Variants in GRIN2B observed in about 807,000 individuals in gnomAD.
The protein encoded by GRIN2B is glutamate ionotropic receptor NMDA type subunit 2B.
GRIN2B carries 5 observed loss-of-function variants against 114.5 expected under a neutral mutation model. The observed-to-expected ratio is 0.04, with a 90% CI of 0.02 to 0.09. The LOEUF (loss-of-function observed/expected upper bound fraction) is 0.09, where lower values mean the gene tolerates loss of function less well. GRIN2B is among the 10% of genes least tolerant of loss of function. GRIN2B has a pLI of 1.00. For synonymous variants in GRIN2B, 787 were observed against 745.1 expected, an observed-to-expected ratio of 1.06 and a Z score of -0.92; for missense variants, 1,108 against 1,943.5, an observed-to-expected ratio of 0.57 and a Z score of 8.08.
Position 13,979,782 on chromosome 12 carries a change from A to G in GRIN2B, c.-19+146T>C, listed in dbSNP as rs1485063648. ...AAACATGGGAGATTTCCTTCTTTGT[A>G]ATAAGCCTTTTTTCCCAAAACAGCA... On this transcript the variant is annotated intron_variant, in intron 2 of 13. Coordinates refer to ENST00000609686, the MANE Select transcript of GRIN2B (RefSeq NM_000834.5). 2.0e-5 allele frequency: 3 copies of G among 152,172 alleles called. 1 individual carries two copies. The highest frequency in any genetic ancestry group is 7.2e-5 in the African/African-American group (3 of 41,442). 9.4% of individuals were successfully genotyped at this position (152,172 alleles called of 1,614,324 possible). A position where few individuals can be genotyped will look rare whatever the true frequency, so the allele number is the denominator to read the frequency against.
At chr12:13,699,406 TAAGAAATCTGCAA>T (rs1950290738) in intron 4 of GRIN2B, among the ~76,000 whole-genome samples, 1 of 152,074 alleles carries the variant, frequency 6.6e-6, no homozygotes, top group Non-Finnish European at 1.5e-5. Flanking sequence ...ACAAATAGTA[TAAGAAATCTGCAA>T]AAGAATCACA....
intron 3 of GRIN2B, among the ~76,000 whole-genome samples, chr12:13,829,876 CAA>C (rs955242742): frequency 4.6e-5 from 7 of 152,162 alleles, no homozygotes; most frequent in African/African-American, 1.7e-4. Flanking sequence ...GGACCTGCCT[CAA>C]AGAGTCTTCT....
Position 13,870,443 on chromosome 12 carries a change from G to A in GRIN2B, c.-18-4217C>T, listed in dbSNP as rs74069219. Among the ~76,000 whole-genome samples the A allele has an allele frequency of 9.5e-3, 1,439 of 152,204 alleles. 19 individuals are homozygous for A. The highest frequency in any genetic ancestry group is 0.033 in the African/African-American group (1,374 of 41,548). On this transcript the variant is annotated intron_variant, in intron 2 of 13. Coordinates refer to ENST00000609686, the MANE Select transcript of GRIN2B (RefSeq NM_000834.5). ...CCATAGCAAACAGAAGGCCACAGGA[G>A]CTTATCTTCATGCTGGTAACTGGTA... is the stretch of plus-strand genomic sequence containing the variant.
Position 13,547,981 on chromosome 12 carries a change from A to ATATATATATATATATATATTT in GRIN2B, c.*14801_*14802insAAATATATATATATATATATA. 1.5e-5 allele frequency: 1 copy of ATATATATATATATATATATTT among 68,576 alleles called. No homozygotes were observed. Among genetic ancestry groups the ATATATATATATATATATATTT allele is most frequent in the Non-Finnish European group, 2.9e-5 (1 of 34,412 alleles). 4.2% of individuals were successfully genotyped at this position (68,576 alleles called of 1,614,324 possible). ...TGTGTATATATATATATATATATATATTTTTTTTTTTTTTCTGAAAGCTAC... is the reference window on the plus strand; with the variant it reads ...TGTGTATATATATATATATATATATATATATATATATATATATATTTTTTTTTTTTTTTTTCTGAAAGCTAC... On this transcript the variant is annotated 3_prime_UTR_variant, in exon 14 of 14. Coordinates refer to ENST00000609686, the MANE Select transcript of GRIN2B (RefSeq NM_000834.5).
intron 4 of GRIN2B, among the ~76,000 whole-genome samples, chr12:13,710,866 GA>G (rs1161470718): frequency 3.3e-5 from 5 of 151,770 alleles, no homozygotes; most frequent in Non-Finnish European, 7.4e-5. Flanking sequence ...CACAGAATTG[GA>G]AAAAAACTAC....
chr12:13,963,536 G>A lies in GRIN2B; in HGVS notation c.-19+16392C>T, dbSNP rs1038639530. 3.9e-5 allele frequency among the ~76,000 whole-genome samples: 6 copies of A among 152,168 alleles called. No homozygotes were observed. The South Asian group carries it at 1.2e-3, about 32-fold the overall frequency. On this transcript the variant is annotated intron_variant, in intron 2 of 13. Transcript: ENST00000609686. ...TACTCACAGGATATGGACAAGAGAG[G>A]CAGAGAGCTCAGTTCCAGGCGCTTT...
intron 13 of GRIN2B, among the ~76,000 whole-genome samples, chr12:13,565,114 AG>A (rs1565455105): frequency 6.6e-6 from 1 of 152,262 alleles, no homozygotes; most frequent in Non-Finnish European, 1.5e-5. Context: ...AGTAAAGCAC[AG>A]GGGAGCTCAG....
chr12:13,731,962 T>C (rs1400446947), intron 4 of GRIN2B, among the ~76,000 whole-genome samples: 1 of 152,218 alleles, frequency 6.6e-6, no homozygotes, highest in Non-Finnish European at 1.5e-5. Flanking sequence ...GGGTTCTCCA[T>C]GACCTATTGG....
At chr12:13,674,567 T>C (rs911605214) in intron 5 of GRIN2B, among the ~76,000 whole-genome samples, 3 of 151,992 alleles carry the variant, frequency 2.0e-5, no homozygotes, top group African/African-American at 7.3e-5. Context: ...TGTGATGAGG[T>C]TGTGAATTTC....
chr12:13,879,037 G>T (rs1866031859), intron 2 of GRIN2B, among the ~76,000 whole-genome samples: 1 of 152,120 alleles, frequency 6.6e-6, no homozygotes, highest in South Asian at 2.1e-4. Flanking sequence ...TCTGATTCAT[G>T]AAAAAATTGA....
intron 5 of GRIN2B, among the ~76,000 whole-genome samples, chr12:13,616,874 CACTT>C (rs2136481930): frequency 6.6e-6 from 1 of 152,378 alleles, no homozygotes; most frequent in Admixed American, 6.5e-5. Flanking sequence ...ATTTATCACT[CACTT>C]ACCAAACATT....
intron 2 of GRIN2B, among the ~76,000 whole-genome samples, chr12:13,928,945 G>A (rs1317805777): frequency 6.6e-6 from 1 of 151,864 alleles, no homozygotes; most frequent in South Asian, 2.1e-4. Context: ...CAGGCATTGT[G>A]CTAAATACTT....
At chr12:13,890,623 G>A (rs377481128) in intron 2 of GRIN2B, among the ~76,000 whole-genome samples, 2 of 152,144 alleles carry the variant, frequency 1.3e-5, no homozygotes, top group East Asian at 1.9e-4. Context: ...TATATTTCTT[G>A]AGAAGAAGGG....
At chr12:13,795,375 G>GAAA (rs5796562) in intron 3 of GRIN2B, among the ~76,000 whole-genome samples, 5 of 147,336 alleles carry the variant, frequency 3.4e-5, no homozygotes, top group African/African-American at 1.3e-4. Context: ...ATGCAGTGGC[G>GAAA]AAAAAAAAAA....
chr12:13,954,401 G>T (rs977530803), intron 2 of GRIN2B, among the ~76,000 whole-genome samples: 7 of 152,190 alleles, frequency 4.6e-5, no homozygotes. Flanking sequence ...TCCGGTTAAT[G>T]TGGGAGCTCA....
Position 13,912,238 on chromosome 12 carries a change from T to C in GRIN2B, c.-18-46012A>G, listed in dbSNP as rs530466499. Among the ~76,000 whole-genome samples, 5 of 152,112 alleles carry C rather than the reference T, an allele frequency of 3.3e-5. No individual in the cohort carries two copies. In the South Asian group the frequency reaches 8.3e-4, roughly 25 times the overall value. On this transcript the variant is annotated intron_variant, in intron 2 of 13. Coordinates refer to ENST00000609686, the MANE Select transcript of GRIN2B (RefSeq NM_000834.5). ...CAATCTAAAAACTCTGTGCAGTGAATAATAACCAACTGGGGTCTCTTGCCA... is the reference window on the plus strand; with the variant it reads ...CAATCTAAAAACTCTGTGCAGTGAACAATAACCAACTGGGGTCTCTTGCCA...
At chr12:13,886,761 C>T (rs1306863903) in intron 2 of GRIN2B, among the ~76,000 whole-genome samples, 1 of 152,152 alleles carries the variant, frequency 6.6e-6, no homozygotes, top group Non-Finnish European at 1.5e-5. Flanking sequence ...CAAGCCAGCT[C>T]CGGGGGTATC....
At chr12:13,950,765 A>G (rs219927) in intron 2 of GRIN2B, among the ~76,000 whole-genome samples, 87,503 of 151,938 alleles carry the variant, frequency 0.58, 26,028 homozygotes, top group East Asian at 0.95. Flanking sequence ...CCTTAAAAAG[A>G]GTTTCCACTT....
At chr12:13,714,314 C>A (rs1950438225) in intron 4 of GRIN2B, among the ~76,000 whole-genome samples, 1 of 151,876 alleles carries the variant, frequency 6.6e-6, no homozygotes, top group East Asian at 1.9e-4. Flanking sequence ...TAAGATACTT[C>A]CTCTGATACA....
Sources: allele counts gnomAD v4.1 joint callset (sites outside exome capture counted in the v4.1 genomes callset), GRCh38; gene constraint gnomAD v4.1.1; transcripts MANE v1.5; gene names NCBI Gene and HGNC (gene_info 2026-07-23, HGNC 2026-07-21).